Variants in LRRC4C observed in about 807,000 individuals in gnomAD.
LRRC4C encodes leucine-rich repeat-containing protein 4C.
In LRRC4C, 5 loss-of-function variants were observed where a neutral mutation model predicts 33.6. That is an observed-to-expected ratio of 0.15 (90% confidence interval 0.08 to 0.31). The LOEUF is 0.31. Ranked by LOEUF, LRRC4C falls within the 10% of genes least tolerant of loss-of-function variation. The pLI, the probability that LRRC4C is intolerant of heterozygous loss-of-function variation, is 1.00. For synonymous variants in LRRC4C, 329 were observed against 302.0 expected, an observed-to-expected ratio of 1.09 and a Z score of -0.93; for missense variants, 560 against 796.7, an observed-to-expected ratio of 0.70 and a Z score of 3.58.
intron 2 of LRRC4C, among the ~76,000 whole-genome samples, chr11:40,730,350 T>A (rs1947500821): frequency 6.6e-6 from 1 of 152,218 alleles, no homozygotes; most frequent in Non-Finnish European, 1.5e-5. Context: ...CACTACATTT[T>A]TTCTGTTTAA....
At chr11:40,321,569 A>G (rs1945850705) in intron 3 of LRRC4C, among the ~76,000 whole-genome samples, 1 of 152,210 alleles carries the variant, frequency 6.6e-6, no homozygotes, top group African/African-American at 2.4e-5. Context: ...AAAGAGATAA[A>G]TGGCAGAATT....
chr11:41,157,531 C>T (rs1944287700), intron 1 of LRRC4C, among the ~76,000 whole-genome samples: 1 of 152,086 alleles, frequency 6.6e-6, no homozygotes, highest in African/African-American at 2.4e-5. Context: ...TGTCTTAAAT[C>T]CACTATTGGC....
At chr11:40,165,630 T>A in intron 5 of LRRC4C, among the ~76,000 whole-genome samples, 1 of 152,164 alleles carries the variant, frequency 6.6e-6, no homozygotes, top group East Asian at 1.9e-4. Context: ...AGTCTTAATT[T>A]TCCCTATATA....
chr11:40,469,626 C>T (rs4595531), intron 3 of LRRC4C, among the ~76,000 whole-genome samples: 17,002 of 152,220 alleles, frequency 0.11, 1,045 homozygotes, highest in East Asian at 0.15. Context: ...AACTATGATC[C>T]ACTGGCTTGA....
chr11:40,696,029 G>GTA (rs201268454), intron 2 of LRRC4C, among the ~76,000 whole-genome samples: 17 of 134,674 alleles, frequency 1.3e-4, no homozygotes, highest in East Asian at 4.1e-4. Context: ...TGGTGTGTGT[G>GTA]TGTATATATA....
intron 3 of LRRC4C, among the ~76,000 whole-genome samples, chr11:40,560,392 A>G (rs1957501254): frequency 6.6e-6 from 1 of 151,958 alleles, no homozygotes; most frequent in Non-Finnish European, 1.5e-5. Context: ...GCCAACAACG[A>G]ATTAGGTAGA....
intron 3 of LRRC4C, among the ~76,000 whole-genome samples, chr11:40,500,793 C>T (rs764744463): frequency 6.6e-5 from 10 of 152,124 alleles, no homozygotes; most frequent in Non-Finnish European, 1.2e-4. Flanking sequence ...CCTGCCAAAT[C>T]TCATGTCCTC....
chr11:40,976,060 C>T (rs1565261762), intron 1 of LRRC4C, among the ~76,000 whole-genome samples: 1 of 152,188 alleles, frequency 6.6e-6, no homozygotes, highest in African/African-American at 2.4e-5. Context: ...GAAAGAAGGT[C>T]ACAGTCATCC....
chr11:41,204,133 C>G (rs1269241398), intron 1 of LRRC4C, among the ~76,000 whole-genome samples: 2 of 152,054 alleles, frequency 1.3e-5, no homozygotes, highest in Non-Finnish European at 2.9e-5. Context: ...AAGACAAGAG[C>G]CTTCAAGAAC....
intron 5 of LRRC4C, among the ~76,000 whole-genome samples, chr11:40,164,253 T>C (rs372566979): frequency 6.6e-6 from 1 of 152,330 alleles, no homozygotes; most frequent in East Asian, 1.9e-4. Context: ...TGAATGAATT[T>C]TTTAAATGTG....
intron 1 of LRRC4C, among the ~76,000 whole-genome samples, chr11:41,120,585 A>G (rs1942373143): frequency 6.6e-6 from 1 of 152,096 alleles, no homozygotes. Flanking sequence ...TGGCTATATT[A>G]CTTCATGAAG....
intron 1 of LRRC4C, among the ~76,000 whole-genome samples, chr11:41,442,371 G>T: frequency 6.8e-6 from 1 of 146,918 alleles, no homozygotes; most frequent in East Asian, 2.1e-4. Context: ...GTATTAATAT[G>T]AAAAAATAAT....
intron 1 of LRRC4C, among the ~76,000 whole-genome samples, chr11:41,395,917 C>T (rs775222341): frequency 1.3e-5 from 2 of 152,034 alleles, no homozygotes; most frequent in Non-Finnish European, 2.9e-5. Context: ...TTGTTTCTTT[C>T]CTTTTGGAAA....
chr11:40,576,801 C>T (rs192107403), intron 3 of LRRC4C, among the ~76,000 whole-genome samples: 18 of 152,304 alleles, frequency 1.2e-4, no homozygotes, highest in African/African-American at 3.8e-4. Flanking sequence ...AGACATCATT[C>T]TCCAGAGCAG....
chr11:40,973,619 T>C (rs1187281919), intron 1 of LRRC4C, among the ~76,000 whole-genome samples: 1 of 152,154 alleles, frequency 6.6e-6, no homozygotes, highest in Non-Finnish European at 1.5e-5. Context: ...AATATTTTAT[T>C]ATAGAAGTCC....
intron 2 of LRRC4C, among the ~76,000 whole-genome samples, chr11:40,858,552 G>A (rs1349193779): frequency 2.6e-5 from 4 of 151,790 alleles, no homozygotes; most frequent in African/African-American, 9.7e-5. Context: ...AACATTAGCT[G>A]GGCATGGTGT....
intron 4 of LRRC4C, among the ~76,000 whole-genome samples, chr11:40,291,454 C>T (rs2136568749): frequency 6.6e-6 from 1 of 152,242 alleles, no homozygotes; most frequent in East Asian, 1.9e-4. Context: ...TCTGGCAAAA[C>T]CCAAGCCACT....
intron 1 of LRRC4C, among the ~76,000 whole-genome samples, chr11:41,346,175 A>C (rs1309235187): frequency 6.6e-6 from 1 of 152,150 alleles, no homozygotes; most frequent in African/African-American, 2.4e-5. Context: ...CACCAAAACA[A>C]AGCACATTAA....
At chr11:41,287,046 A>G (rs1431427344) in intron 1 of LRRC4C, among the ~76,000 whole-genome samples, 3 of 152,208 alleles carry the variant, frequency 2.0e-5, no homozygotes, top group South Asian at 4.1e-4. Flanking sequence ...AAATAGTGCT[A>G]GTTGATATTT....
Sources: allele counts gnomAD v4.1 joint callset (sites outside exome capture counted in the v4.1 genomes callset), GRCh38; gene constraint gnomAD v4.1.1; transcripts MANE v1.5; gene names NCBI Gene and HGNC (gene_info 2026-07-23, HGNC 2026-07-21).